ANKRD6: variants seen among roughly 807,000 people sequenced by gnomAD.
ANKRD6 encodes ankyrin repeat domain 6.
Under a neutral mutation model 82.3 loss-of-function variants are expected in ANKRD6, and 56 were observed. That is an observed-to-expected ratio of 0.68 (90% CI 0.55 to 0.85). The LOEUF (loss-of-function observed/expected upper bound fraction) is 0.85. ANKRD6 is among the 40% of genes least tolerant of loss of function. The pLI is 0.00. For synonymous variants in ANKRD6, 347 were observed against 352.1 expected (o/e 0.99, Z 0.16); for missense variants, 852 against 907.6 (o/e 0.94, Z 0.79).
At chr6:89,584,252 T>TCC (rs1226603871) in intron 2 of ANKRD6, among the ~76,000 whole-genome samples, 1 of 152,168 alleles carries the variant, frequency 6.6e-6, no homozygotes, top group African/African-American at 2.4e-5. Flanking sequence ...TGGGTGATTC[T>TCC]CCACATCCCC....
At chr6:89,570,132 A>G (rs1450884166) in intron 2 of ANKRD6, among the ~76,000 whole-genome samples, 3 of 151,482 alleles carry the variant, frequency 2.0e-5, no homozygotes, top group Non-Finnish European at 4.4e-5. Context: ...CCAGGCTGGA[A>G]TGCAGTGGCA....
At chr6:89,507,699 T>C (rs1780039552) in intron 1 of ANKRD6, among the ~76,000 whole-genome samples, 1 of 152,184 alleles carries the variant, frequency 6.6e-6, no homozygotes, top group Admixed American at 6.5e-5. Context: ...AAAACTGAAA[T>C]TGGCAGATCA....
intron 15 of ANKRD6, 49 bp from the exon 16 acceptor site, chr6:89,630,384 C>A: frequency 6.4e-7 from 1 of 1,568,866 alleles, no homozygotes. Context: ...AGCCATATGA[C>A]TGTGTGAATG....
intron 10 of ANKRD6, among the ~76,000 whole-genome samples, chr6:89,622,458 TG>T (rs912048146): frequency 7.2e-5 from 11 of 152,162 alleles, no homozygotes; most frequent in African/African-American, 2.7e-4. Context: ...GAAACTCGGG[TG>T]GGGCCCAGCA....
At chr6:89,488,839 C>T (rs1037494515) in intron 1 of ANKRD6, among the ~76,000 whole-genome samples, 2 of 151,674 alleles carry the variant, frequency 1.3e-5, no homozygotes, top group Admixed American at 6.6e-5. Context: ...ACAAATGAAA[C>T]AAATGTTTCC....
intron 1 of ANKRD6, among the ~76,000 whole-genome samples, chr6:89,510,387 T>G (rs1438553238): frequency 6.6e-6 from 1 of 152,142 alleles, no homozygotes; most frequent in African/African-American, 2.4e-5. Context: ...AAATAGTTTT[T>G]TTTTTTTTTA....
intron 1 of ANKRD6, among the ~76,000 whole-genome samples, chr6:89,475,200 T>C (rs1053813210): frequency 2.0e-5 from 3 of 152,180 alleles, no homozygotes; most frequent in African/African-American, 7.2e-5. Context: ...CATGAATAGA[T>C]GCATGAAAAT....
intron 2 of ANKRD6, chr6:89,568,100 C>T (rs1371871240): frequency 6.6e-6 from 1 of 152,190 alleles, no homozygotes; most frequent in African/African-American, 2.4e-5. Flanking sequence ...GGGGTTTGCC[C>T]ATAGATGGTG....
At chr6:89,507,285 T>C (rs1317216665) in intron 1 of ANKRD6, among the ~76,000 whole-genome samples, 1 of 152,210 alleles carries the variant, frequency 6.6e-6, no homozygotes, top group Non-Finnish European at 1.5e-5. Context: ...TGTAAAAATA[T>C]ATTCTCAGTA....
chr6:89,497,680 G>GT (rs1245460522), intron 1 of ANKRD6, among the ~76,000 whole-genome samples: 3 of 152,012 alleles, frequency 2.0e-5, no homozygotes, highest in Non-Finnish European at 4.4e-5. Flanking sequence ...GTGTATCTGT[G>GT]TATCTTCAGA....
rs995694318 is a variant in ANKRD6 at position 89,633,670 on chromosome 6, T to G, written c.*2666T>G. 2 of 152,194 alleles carry G rather than the reference T, an allele frequency of 1.3e-5. No individual in the cohort carries two copies. Among genetic ancestry groups the G allele is most frequent in the Non-Finnish European group, 2.9e-5 (2 of 68,024 alleles). 9.4% of individuals were successfully genotyped at this position (152,194 alleles called of 1,614,324 possible). A position where few individuals can be genotyped will look rare whatever the true frequency, so the allele number is the denominator to read the frequency against. On this transcript the variant is annotated 3_prime_UTR_variant, in exon 16 of 16. Transcript: ENST00000339746. ...TTGGGAGCCCAAAATAAAGGGAGTG[T>G]TGTTTTCATGGTTATGCCTTGTTTG...
At chr6:89,594,006 A>G (rs1418032760) in intron 2 of ANKRD6, among the ~76,000 whole-genome samples, 1 of 152,252 alleles carries the variant, frequency 6.6e-6, no homozygotes, top group Non-Finnish European at 1.5e-5. Flanking sequence ...GGAGAGGAAC[A>G]CGCTGTGTTC....
intron 1 of ANKRD6, among the ~76,000 whole-genome samples, chr6:89,448,898 C>T (rs1351560089): frequency 6.6e-6 from 1 of 151,310 alleles, no homozygotes; most frequent in African/African-American, 2.4e-5. Flanking sequence ...GGCGTGTTGG[C>T]GGGCGCCTGT....
chr6:89,555,037 G>A (rs10944452), intron 1 of ANKRD6, among the ~76,000 whole-genome samples: 2 of 91,620 alleles, frequency 2.2e-5, no homozygotes, highest in African/African-American at 8.9e-5. Context: ...CTCCCTCCCC[G>A]CTTTCTCTCC....
intron 1 of ANKRD6, among the ~76,000 whole-genome samples, chr6:89,439,638 C>T (rs556750951): frequency 6.6e-6 from 1 of 152,280 alleles, no homozygotes; most frequent in East Asian, 1.9e-4. Context: ...TGACATTGGG[C>T]TGTTCTACCT....
intron 8 of ANKRD6, 126 bp from the exon 9 acceptor site, chr6:89,617,828 G>A: frequency 1.2e-6 from 1 of 847,586 alleles, no homozygotes; most frequent in Non-Finnish European, 1.9e-6. Context: ...GCCATGTTTT[G>A]CCACGTAGGT....
In ANKRD6 at chr6:89,565,237, C is replaced by T. The variant is rs560841928; in HGVS notation, c.-143-1597C>T. 4 of 152,054 alleles carry T rather than the reference C, an allele frequency of 2.6e-5. No individual in the cohort carries two copies. In the South Asian group the frequency reaches 6.2e-4, roughly 24 times the overall value. The allele number at this position is 152,054 out of a possible 1,614,324, so 9.4% of individuals were successfully genotyped here. On this transcript the variant is annotated intron_variant, in intron 1 of 15. Transcript: ENST00000339746. ...CTGGCATATCCCAGGGATCTCAGAC[C>T]GTGACTCACCAAGCTGCTTTACAGC...
chr6:89,524,440 A>G (rs1244311434), intron 1 of ANKRD6, among the ~76,000 whole-genome samples: 1 of 152,184 alleles, frequency 6.6e-6, no homozygotes, highest in Non-Finnish European at 1.5e-5. Context: ...ATGGTCTCCT[A>G]CACCATCCAG....
At chr6:89,599,956 G>A (rs965120555) in intron 3 of ANKRD6, among the ~76,000 whole-genome samples, 2 of 152,112 alleles carry the variant, frequency 1.3e-5, no homozygotes, top group East Asian at 1.9e-4. Context: ...CTGAGAGGAC[G>A]GCTGGAGGGG....
Sources: gnomAD v4.1 joint callset for allele counts (sites outside exome capture counted in the v4.1 genomes callset) on GRCh38, gnomAD v4.1.1 for gene constraint, MANE v1.5 for transcripts, NCBI Gene and HGNC (gene_info 2026-07-23, HGNC 2026-07-21) for gene names.